PSME3: variants seen among roughly 807,000 people sequenced by gnomAD.
PSME3 encodes the protein proteasome activator subunit 3, also known as proteasome activator complex subunit 3.
PSME3 carries 7 observed loss-of-function variants against 38.3 expected under a neutral mutation model. The observed-to-expected ratio is 0.18, with a 90% confidence interval of 0.10 to 0.34. PSME3 has a LOEUF of 0.34. Among genes scored for constraint, PSME3 ranks in the 10% least tolerant of loss-of-function variants. The pLI, the probability that PSME3 is intolerant of heterozygous loss-of-function variation, is 1.00. For synonymous variants in PSME3, 108 were observed against 105.7 expected, an observed-to-expected ratio of 1.02 and a Z score of -0.13; for missense variants, 192 against 307.6, an observed-to-expected ratio of 0.62 and a Z score of 2.81.
chr17:42,834,908 G>C (rs749373608), intron 4 of PSME3, 32 bp downstream of exon 4: 2 of 1,611,888 alleles, frequency 1.2e-6, no homozygotes, highest in Non-Finnish European at 1.7e-6. Context: ...TTGTGTTCTT[G>C]AGCAGTAGGT....
chr17:42,833,905 G>C lies in PSME3; in HGVS notation c.42+232G>C. 4 of 1,451,872 alleles carry C rather than the reference G, an allele frequency of 2.8e-6. 1 individual carries two copies. In the South Asian group the frequency reaches 4.3e-5, roughly 16 times the overall value. The allele number at this position is 1,451,872 out of a possible 1,614,324, so 89.9% of individuals were successfully genotyped here. A position where few individuals can be genotyped will look rare whatever the true frequency, so the allele number is the denominator to read the frequency against. On this transcript the variant is annotated intron_variant, in intron 1 of 10. Coordinates refer to ENST00000590720, the MANE Select transcript of PSME3 (RefSeq NM_005789.4). ...GTCCCGGGGACACCTCCGCGGACAC[G>C]TGTTGGACTCAGGGCTTTAGGCCCG...
intron 10 of PSME3, 109 bp downstream of exon 10, chr17:42,839,489 A>G: frequency 1.2e-6 from 1 of 845,806 alleles, no homozygotes; most frequent in Admixed American, 2.3e-5. Flanking sequence ...GGTAAAATGA[A>G]TAGACCAAAT....
Position 42,841,598 on chromosome 17 carries a change from G to GT in PSME3, c.*20_*21insT, listed in dbSNP as rs751782858. 8.4e-6 allele frequency: 13 copies of GT among 1,546,994 alleles called. No homozygotes were observed. Among genetic ancestry groups the GT allele is most frequent in the Non-Finnish European group, 9.7e-6 (11 of 1,135,812 alleles). ...TACTGAGGCCAGGGCCAGGGCCAGG[G>GT]GACTCTGTGAGTCTGGCTCAAGACC... On this transcript the variant is annotated 3_prime_UTR_variant, in exon 11 of 11. Coordinates refer to ENST00000590720, the MANE Select transcript of PSME3 (RefSeq NM_005789.4).
At chr17:42,838,283 G>A (rs1423800417) in intron 6 of PSME3, 78 bp downstream of exon 6, 1 of 1,580,522 alleles carries the variant, frequency 6.3e-7, no homozygotes, top group Non-Finnish European at 8.6e-7. Flanking sequence ...ATGTACGGGT[G>A]GTATGGGAAT....
At chr17:42,840,644 A>G (rs1292178467) in intron 10 of PSME3, among the ~76,000 whole-genome samples, 1 of 152,178 alleles carries the variant, frequency 6.6e-6, no homozygotes, top group Non-Finnish European at 1.5e-5. Context: ...TACCTACTGC[A>G]CAAAATTCAT....
chr17:42,837,759 AG>A (rs2055480833), intron 5 of PSME3, 62 bp downstream of exon 5: 2 of 1,542,362 alleles, frequency 1.3e-6, no homozygotes, highest in Non-Finnish European at 1.8e-6. Context: ...CCTGAGAAGC[AG>A]GATGGATCTA....
intron 1 of PSME3, chr17:42,834,056 C>T (rs1007698060): frequency 1.0e-5 from 15 of 1,442,448 alleles, no homozygotes; most frequent in East Asian, 2.5e-5. Flanking sequence ...CTCACATCTT[C>T]CCTAACTACC....
chr17:42,833,497 G>A lies in PSME3; in HGVS notation c.-135G>A. 2 of 1,073,922 alleles carry A rather than the reference G, an allele frequency of 1.9e-6. No individual in the cohort carries two copies. Among genetic ancestry groups the A allele is most frequent in the East Asian group, 5.1e-5 (2 of 39,420 alleles). 66.5% of individuals were successfully genotyped at this position (1,073,922 alleles called of 1,614,324 possible). Reference sequence around the variant, plus strand: ...GGCGGACGGCACAGAGGGAGGGAGCGAGCGAGCAGTGAGTAAGCCAGCAAG... The same window carrying A: ...GGCGGACGGCACAGAGGGAGGGAGCAAGCGAGCAGTGAGTAAGCCAGCAAG... On this transcript the variant is annotated 5_prime_UTR_variant, in exon 1 of 11. Transcript: ENST00000590720.
chr17:42,838,301 C>G, intron 6 of PSME3, 96 bp downstream of exon 6: 1 of 1,528,756 alleles, frequency 6.5e-7, no homozygotes, highest in South Asian at 1.3e-5. Context: ...AATTGGCAGA[C>G]TAGGTTTTTT....
intron 1 of PSME3, 83 bp from the exon 2 acceptor site, chr17:42,834,261 G>A (rs2055434711): frequency 6.2e-7 from 1 of 1,607,290 alleles, no homozygotes; most frequent in African/African-American, 1.3e-5. Flanking sequence ...TACAAGGTGA[G>A]GGAAAGACAG....
chr17:42,836,065 C>T (rs1478885203), intron 4 of PSME3, among the ~76,000 whole-genome samples: 4 of 146,628 alleles, frequency 2.7e-5, no homozygotes, highest in African/African-American at 1.0e-4. Context: ...GGTGCAGTGG[C>T]GCGATCTCAG....
chr17:42,838,717 G>A lies in PSME3; in HGVS notation c.406-14G>A, dbSNP rs2055494022. ...CCTTCAGGCAAAGGTCCTCATATAT[G>A]TTTTGACCTCCAGGTCAAAATGTGG... On this transcript the variant is annotated splice_polypyrimidine_tract_variant and intron_variant, in intron 6 of 10. Coordinates refer to ENST00000590720, the MANE Select transcript of PSME3 (RefSeq NM_005789.4). 6.2e-7 allele frequency: 1 copy of A among 1,611,216 alleles called. No individual in the cohort carries two copies. The highest frequency in any genetic ancestry group is 8.5e-7 in the Non-Finnish European group (1 of 1,177,388).
chr17:42,838,260 C>T, intron 6 of PSME3, 55 bp downstream of exon 6: 1 of 1,599,322 alleles, frequency 6.3e-7, no homozygotes, highest in Non-Finnish European at 8.5e-7. Context: ...ACCTGAAGTG[C>T]AAAAAACAGT....
chr17:42,834,459 A>G (rs1304963980), intron 2 of PSME3, 56 bp from the exon 3 acceptor site: 57 of 1,609,042 alleles, frequency 3.5e-5, no homozygotes, highest in Non-Finnish European at 4.8e-5. Flanking sequence ...AGAGAGAGAG[A>G]GAGAGAGAGA....
In PSME3 at chr17:42,843,286, C is replaced by T. The variant is rs1193583744; in HGVS notation, c.*1708C>T. The T allele has an allele frequency of 6.5e-6, 1 of 152,772 alleles. No homozygotes were observed. The highest frequency in any genetic ancestry group is 1.5e-5 in the Non-Finnish European group (1 of 68,048). The allele number at this position is 152,772 out of a possible 1,614,324, so 9.5% of individuals were successfully genotyped here. A position where few individuals can be genotyped will look rare whatever the true frequency, so the allele number is the denominator to read the frequency against. On this transcript the variant is annotated 3_prime_UTR_variant, in exon 11 of 11. Transcript: ENST00000590720. ...ATGCTCTGGTGGCTAGGGATGTACT[C>T]ATGCTCATATGTGTGCACGCTTGGA... is the stretch of plus-strand genomic sequence containing the variant.
At chr17:42,838,573 G>T in intron 6 of PSME3, 158 bp from the exon 7 acceptor site, 1 of 755,282 alleles carries the variant, frequency 1.3e-6, no homozygotes, top group Non-Finnish European at 2.2e-6. Flanking sequence ...CCGCTTCGGG[G>T]TCCCAAATTG....
chr17:42,837,477 G>A (rs553772879), intron 4 of PSME3, among the ~76,000 whole-genome samples, 172 bp from the exon 5 acceptor site: 4 of 152,334 alleles, frequency 2.6e-5, no homozygotes, highest in Admixed American at 1.3e-4. Context: ...GAGCCACCGC[G>A]CCTTGCCTCC....
Position 42,837,442 on chromosome 17 carries a change from C to T in PSME3, c.244-207C>T, listed in dbSNP as rs550474029. Among the ~76,000 whole-genome samples, 5 of 152,270 alleles carry T rather than the reference C, an allele frequency of 3.3e-5. No individual in the cohort carries two copies. In the South Asian group the frequency reaches 1.0e-3, roughly 32 times the overall value. On this transcript the variant is annotated intron_variant, in intron 4 of 10. Transcript: ENST00000590720. ...TCAGGTGATCTGTCCACCTCGGCCCCCCAAATTGCTGGGATTACAGGCATG... is the reference window on the plus strand; with the variant it reads ...TCAGGTGATCTGTCCACCTCGGCCCTCCAAATTGCTGGGATTACAGGCATG...
At chr17:42,834,458 G>A in intron 2 of PSME3, 57 bp from the exon 3 acceptor site, 1 of 1,608,910 alleles carries the variant, frequency 6.2e-7, no homozygotes. Flanking sequence ...GAGAGAGAGA[G>A]AGAGAGAGAG....
Sources: gnomAD v4.1 joint callset for allele counts (sites outside exome capture counted in the v4.1 genomes callset) on GRCh38, gnomAD v4.1.1 for gene constraint, MANE v1.5 for transcripts, NCBI Gene and HGNC (gene_info 2026-07-23, HGNC 2026-07-21) for gene names.